The following CXCL13 variants were observed in gnomAD, a reference collection of about 807,000 sequenced individuals.
The protein encoded by CXCL13 is C-X-C motif chemokine 13.
In CXCL13, 7 loss-of-function variants were observed where a neutral mutation model predicts 12.2. The observed-to-expected ratio is 0.57, with a 90% confidence interval of 0.33 to 1.07. The LOEUF (loss-of-function observed/expected upper bound fraction) is 1.07, where lower values mean the gene tolerates loss of function less well. CXCL13 is among the 50% of genes least tolerant of loss of function. The pLI is 0.04. For missense variants in CXCL13, 113 were observed against 127.4 expected, an observed-to-expected ratio of 0.89 and a Z score of 0.55; for synonymous variants, 47 against 42.4, an observed-to-expected ratio of 1.11 and a Z score of -0.42.
intron 1 of CXCL13, among the ~76,000 whole-genome samples, chr4:77,522,409 C>G (rs1467637647): frequency 6.8e-6 from 1 of 146,052 alleles, no homozygotes; most frequent in Non-Finnish European, 1.5e-5. Context: ...TTTAGCTCTT[C>G]TTGTTGAATT....
intron 1 of CXCL13, among the ~76,000 whole-genome samples, chr4:77,596,785 C>CAAAAA (rs1024280441): frequency 1.4e-4 from 9 of 64,452 alleles, no homozygotes; most frequent in Admixed American, 3.4e-4. Flanking sequence ...GACTCTGTCT[C>CAAAAA]AAAAAAAAAA....
chr4:77,553,334 G>A (rs902127708), intron 1 of CXCL13, among the ~76,000 whole-genome samples: 1 of 152,242 alleles, frequency 6.6e-6, no homozygotes, highest in Non-Finnish European at 1.5e-5. Context: ...CAGGACTGAA[G>A]TTCCTGAGCA....
chr4:77,556,081 TG>T (rs1230369878), intron 1 of CXCL13, among the ~76,000 whole-genome samples: 1 of 152,218 alleles, frequency 6.6e-6, no homozygotes, highest in Non-Finnish European at 1.5e-5. Context: ...GCCATGTATC[TG>T]TCAATTCTAT....
intron 1 of CXCL13, among the ~76,000 whole-genome samples, chr4:77,527,936 C>T (rs1204526094): frequency 1.3e-5 from 2 of 152,052 alleles, no homozygotes; most frequent in Admixed American, 6.6e-5. Context: ...CCTATCCCCC[C>T]ACCCCACAAC....
At chr4:77,553,594 G>A (rs1021071551) in intron 1 of CXCL13, among the ~76,000 whole-genome samples, 1 of 152,172 alleles carries the variant, frequency 6.6e-6, no homozygotes, top group Non-Finnish European at 1.5e-5. Flanking sequence ...TGCCTCTCTT[G>A]TGTACTGGTG....
intron 1 of CXCL13, among the ~76,000 whole-genome samples, chr4:77,591,971 C>T (rs541297026): frequency 1.2e-3 from 179 of 152,358 alleles, no homozygotes; most frequent in African/African-American, 4.1e-3. Flanking sequence ...TGTCTGTCTA[C>T]AGAGTTCTAG....
intron 1 of CXCL13, among the ~76,000 whole-genome samples, chr4:77,516,981 T>G (rs936788920): frequency 6.6e-6 from 1 of 152,212 alleles, no homozygotes; most frequent in African/African-American, 2.4e-5. Context: ...GCTTTGAATG[T>G]GTCCCAGAGA....
rs117117235 is a variant in CXCL13 at position 77,582,860 on chromosome 4, T to C, written c.-42-22964T>C. Among the ~76,000 whole-genome samples the C allele has an allele frequency of 2.4e-4, 37 of 152,262 alleles. 1 individual carries two copies. The East Asian group carries it at 7.0e-3, about 29-fold the overall frequency. On this transcript the variant is annotated intron_variant, in intron 1 of 4. Coordinates refer to the CXCL13 transcript ENST00000286758. ...GGTTGTTACCAGATTCCAACATATG[T>C]AGACAATGAAATCAACAGAAGGAAT...
chr4:77,534,146 G>A (rs1396660801), intron 1 of CXCL13, among the ~76,000 whole-genome samples: 3 of 152,186 alleles, frequency 2.0e-5, no homozygotes, highest in African/African-American at 7.2e-5. Context: ...GCTGTAGACT[G>A]GAGTTGTTCC....
chr4:77,512,786 GTTA>G (rs1724307230), intron 1 of CXCL13, among the ~76,000 whole-genome samples: 1 of 152,068 alleles, frequency 6.6e-6, no homozygotes, highest in Non-Finnish European at 1.5e-5. Flanking sequence ...TTTTGTTATT[GTTA>G]TTATTATACT....
chr4:77,517,750 A>T (rs953491261), intron 1 of CXCL13, among the ~76,000 whole-genome samples: 1 of 151,934 alleles, frequency 6.6e-6, no homozygotes, highest in South Asian at 2.1e-4. Context: ...ATGGGTCTTG[A>T]CTCTTTATCC....
intron 1 of CXCL13, among the ~76,000 whole-genome samples, chr4:77,597,019 T>C (rs1461593994): frequency 1.3e-5 from 2 of 152,126 alleles, no homozygotes; most frequent in African/African-American, 4.8e-5. Context: ...AGAACACGAA[T>C]GAACCTGGAG....
chr4:77,534,048 C>T (rs1174525773), intron 1 of CXCL13, among the ~76,000 whole-genome samples: 5 of 152,206 alleles, frequency 3.3e-5, no homozygotes, highest in Admixed American at 6.5e-5. Flanking sequence ...GTCCTGCACC[C>T]ACTTTCCGAC....
At chr4:77,610,764 A>C (rs1186277249) in intron 3 of CXCL13, 70 bp downstream of exon 3, 1 of 1,184,444 alleles carries the variant, frequency 8.4e-7, no homozygotes, top group African/African-American at 1.5e-5. Context: ...CTGGGCAGTC[A>C]AAATAGGGAC....
chr4:77,549,510 A>G (rs978161354), intron 1 of CXCL13, among the ~76,000 whole-genome samples: 2 of 152,058 alleles, frequency 1.3e-5, no homozygotes, highest in Non-Finnish European at 2.9e-5. Context: ...TGACCTACAG[A>G]TGGGGTTTTG....
intron 1 of CXCL13, among the ~76,000 whole-genome samples, chr4:77,569,724 C>T (rs1414423328): frequency 6.6e-6 from 1 of 152,170 alleles, no homozygotes; most frequent in East Asian, 1.9e-4. Context: ...AGATTCAATG[C>T]TATTCCTATT....
intron 1 of CXCL13, among the ~76,000 whole-genome samples, chr4:77,548,328 C>A (rs543695406): frequency 5.9e-5 from 9 of 152,314 alleles, no homozygotes; most frequent in East Asian, 3.9e-4. Flanking sequence ...AAAATGACTG[C>A]AGTATCTTCA....
At chr4:77,518,672 T>A (rs1724494093) in intron 1 of CXCL13, among the ~76,000 whole-genome samples, 1 of 152,178 alleles carries the variant, frequency 6.6e-6, no homozygotes, top group Admixed American at 6.5e-5. Flanking sequence ...TTCTCTATAT[T>A]GGTTATTCTA....
chr4:77,611,658 G>A lies in CXCL13; in HGVS notation c.*619G>A, dbSNP rs1420807914. ...AGAATACTCAGGGAAAGCATTTAAA[G>A]GGTGATGTACACATGTATCCTTTCA... On this transcript the variant is annotated 3_prime_UTR_variant, in exon 4 of 4. Transcript: ENST00000682537. The A allele has an allele frequency of 5.0e-6, 2 of 398,644 alleles. No homozygotes were observed. Among genetic ancestry groups the A allele is most frequent in the African/African-American group, 2.1e-5 (1 of 48,524 alleles). 24.7% of individuals were successfully genotyped at this position (398,644 alleles called of 1,614,324 possible).
Sources: allele counts gnomAD v4.1 joint callset (sites outside exome capture counted in the v4.1 genomes callset), GRCh38; gene constraint gnomAD v4.1.1; transcripts MANE v1.5; gene names NCBI Gene and HGNC (gene_info 2026-07-23, HGNC 2026-07-21).